The following RPTOR variants were observed in gnomAD, a reference collection of about 807,000 sequenced individuals.
RPTOR encodes the protein regulatory-associated protein of mTOR.
A neutral mutation model predicts 169.9 loss-of-function variants in RPTOR; 21 were observed. The observed-to-expected ratio is 0.12, with a 90% CI of 0.09 to 0.18. RPTOR has a LOEUF of 0.18. Among genes scored for constraint, RPTOR ranks in the 10% least tolerant of loss-of-function variants. RPTOR has a pLI of 1.00. For missense variants in RPTOR, 1,133 were observed against 1,855.9 expected (o/e 0.61, Z 7.16); for synonymous variants, 732 against 753.2 (o/e 0.97, Z 0.46).
chr17:80,784,101 C>T (rs1311740296), intron 6 of RPTOR, among the ~76,000 whole-genome samples: 1 of 152,024 alleles, frequency 6.6e-6, no homozygotes, highest in Non-Finnish European at 1.5e-5. Flanking sequence ...CTCAGCCTCC[C>T]GAGTCCTCTG....
At chr17:80,786,406 A>G (rs1298679790) in intron 6 of RPTOR, among the ~76,000 whole-genome samples, 1 of 152,232 alleles carries the variant, frequency 6.6e-6, no homozygotes, top group Non-Finnish European at 1.5e-5. Context: ...AGTTATTTGT[A>G]TGATATTTGA....
rs937645885 is a variant in RPTOR at position 80,884,040 on chromosome 17, G to A, written c.1842+68G>A. The A allele has an allele frequency of 4.0e-6, 6 of 1,514,770 alleles. No individual in the cohort carries two copies. The African/African-American group carries it at 8.2e-5, about 21-fold the overall frequency. The allele number at this position is 1,514,770 out of a possible 1,614,324, so 93.8% of individuals were successfully genotyped here. A position where few individuals can be genotyped will look rare whatever the true frequency, so the allele number is the denominator to read the frequency against. ...GACTGCGGGGGTAAGGCAGAGGTCT[G>A]CTCGCGTGCGGGTGTGGCCGGCCAC... On this transcript the variant is annotated intron_variant, in intron 16 of 33. Transcript: ENST00000306801.
At chr17:80,696,680 T>C (rs7213466) in intron 3 of RPTOR, among the ~76,000 whole-genome samples, 1 of 152,230 alleles carries the variant, frequency 6.6e-6, no homozygotes, top group African/African-American at 2.4e-5. Context: ...TTGGCCTCTT[T>C]GCTGGACTTG....
chr17:80,617,781 G>A (rs529609225), intron 1 of RPTOR, among the ~76,000 whole-genome samples: 2 of 152,258 alleles, frequency 1.3e-5, no homozygotes, highest in Non-Finnish European at 2.9e-5. Flanking sequence ...AGCTCCTCAC[G>A]CAGTCCTTGG....
chr17:80,812,260 A>G (rs2067280657), intron 7 of RPTOR, among the ~76,000 whole-genome samples: 2 of 152,214 alleles, frequency 1.3e-5, no homozygotes, highest in African/African-American at 4.8e-5. Flanking sequence ...TGGCGGCTCC[A>G]TTATCCAAAT....
At chr17:80,813,886 C>G (rs918561638) in intron 7 of RPTOR, among the ~76,000 whole-genome samples, 1 of 152,158 alleles carries the variant, frequency 6.6e-6, no homozygotes, top group African/African-American at 2.4e-5. Flanking sequence ...GTAATCCCAG[C>G]AGTTTGGGAG....
At chr17:80,745,464 T>C (rs1007592570) in intron 5 of RPTOR, among the ~76,000 whole-genome samples, 2 of 152,182 alleles carry the variant, frequency 1.3e-5, no homozygotes, top group Non-Finnish European at 2.9e-5. Context: ...AACTTGGTTT[T>C]TAAATTAAAA....
At chr17:80,857,401 C>T (rs1348614397) in intron 12 of RPTOR, among the ~76,000 whole-genome samples, 1 of 152,146 alleles carries the variant, frequency 6.6e-6, no homozygotes, top group Non-Finnish European at 1.5e-5. Context: ...GAGAGGTGGC[C>T]GTGCCGTCAC....
At position 80,827,682 on chromosome 17, in the gene RPTOR, G is replaced by A. The variant is rs571345411; in HGVS notation, c.1136+4459G>A. Among the ~76,000 whole-genome samples the A allele has an allele frequency of 3.6e-3, 541 of 152,296 alleles. 1 individual carries two copies. The highest frequency in any genetic ancestry group is 5.6e-3 in the Non-Finnish European group (381 of 68,014). ...GGTGAACTGTGCTGGGGTTTGGAGA[G>A]GGTGAGAGTAAAGTCGCAGAGCCCA... On this transcript the variant is annotated intron_variant, in intron 9 of 33. Transcript: ENST00000306801.
At chr17:80,903,796 T>G (rs1429733789) in intron 20 of RPTOR, among the ~76,000 whole-genome samples, 1 of 152,118 alleles carries the variant, frequency 6.6e-6, no homozygotes, top group African/African-American at 2.4e-5. Context: ...AGGTATTGGT[T>G]TCTGCCTTTG....
intron 1 of RPTOR, among the ~76,000 whole-genome samples, chr17:80,548,078 C>CTT (rs55928458): frequency 3.9e-5 from 4 of 102,772 alleles, no homozygotes; most frequent in Admixed American, 1.0e-4. Context: ...TTTTCTGTTT[C>CTT]TTTTTTTTTT....
chr17:80,784,902 A>G (rs8066994), intron 6 of RPTOR, among the ~76,000 whole-genome samples: 38,498 of 150,808 alleles, frequency 0.26, 4,940 homozygotes, highest in South Asian at 0.28. Context: ...TTGTTTGTTT[A>G]TTTAGTAGAG....
At chr17:80,737,501 G>A (rs1480657021) in intron 5 of RPTOR, among the ~76,000 whole-genome samples, 3 of 152,182 alleles carry the variant, frequency 2.0e-5, no homozygotes, top group African/African-American at 4.8e-5. Flanking sequence ...CAGGTGAGAC[G>A]CCGGCTGTCC....
At chr17:80,884,063 C>A in intron 16 of RPTOR, 91 bp downstream of exon 16, 2 of 1,339,404 alleles carry the variant, frequency 1.5e-6, no homozygotes, top group Non-Finnish European at 2.0e-6. Flanking sequence ...TGTGGCCGGC[C>A]ACGTGTCCAG....
At chr17:80,814,785 G>A (rs1394759875) in intron 7 of RPTOR, among the ~76,000 whole-genome samples, 1 of 152,208 alleles carries the variant, frequency 6.6e-6, no homozygotes, top group Non-Finnish European at 1.5e-5. Flanking sequence ...CCAAGCCTCA[G>A]CTTAGACACA....
intron 13 of RPTOR, among the ~76,000 whole-genome samples, chr17:80,859,470 G>T (rs1227062606): frequency 6.6e-6 from 1 of 152,222 alleles, no homozygotes; most frequent in South Asian, 2.1e-4. Context: ...GTGTGCGGAG[G>T]GGCACACGTG....
rs7221214 is a variant in RPTOR at position 80,820,703 on chromosome 17, G to A, written c.891-1498G>A. ...TGGACATGCTTGTTCTGAAGCGAGAGCAGACTGGGGAGAAGGAGGAGGGGC... is the reference window on the plus strand; with the variant it reads ...TGGACATGCTTGTTCTGAAGCGAGAACAGACTGGGGAGAAGGAGGAGGGGC... On this transcript the variant is annotated intron_variant, in intron 7 of 33. Transcript: ENST00000306801. This position sits in a 1 kb window ranked among gnomAD's most constrained non-coding sequence, Gnocchi z 4.1. 0.013 allele frequency among the ~76,000 whole-genome samples: 1,965 copies of A among 152,296 alleles called. 44 individuals carry two copies. Among genetic ancestry groups the A allele is most frequent in the African/African-American group, 0.045 (1,887 of 41,536 alleles).
intron 1 of RPTOR, among the ~76,000 whole-genome samples, chr17:80,548,332 A>G (rs2084302740): frequency 7.3e-6 from 1 of 137,638 alleles, no homozygotes; most frequent in African/African-American, 2.7e-5. Context: ...CAAAAATGCT[A>G]GGATTACAGG....
chr17:80,853,444 A>G (rs1031513926), intron 11 of RPTOR, among the ~76,000 whole-genome samples: 1 of 152,122 alleles, frequency 6.6e-6, no homozygotes, highest in Non-Finnish European at 1.5e-5. Context: ...GTGTTTAGGC[A>G]TGGTGATGGG....
Sources: allele counts gnomAD v4.1 joint callset (sites outside exome capture counted in the v4.1 genomes callset), GRCh38; gene constraint gnomAD v4.1.1; non-coding constraint Gnocchi (gnomAD v3.1); transcripts MANE v1.5; gene names NCBI Gene and HGNC (gene_info 2026-07-23, HGNC 2026-07-21).